The following GCNT2 variants were observed in gnomAD, a reference collection of about 807,000 sequenced individuals.
The protein encoded by GCNT2 is glucosaminyl (N-acetyl) transferase 2 (I blood group).
GCNT2 carries 34 observed loss-of-function variants against 34.2 expected under a neutral mutation model. The observed-to-expected ratio is 1.00, with a 90% CI of 0.76 to 1.32. The LOEUF is 1.32. Ranked by LOEUF, GCNT2 falls within the 40% of genes most tolerant of loss-of-function variation. The pLI, the probability that GCNT2 is intolerant of heterozygous loss-of-function variation, is 0.00. For missense variants in GCNT2, 584 were observed against 489.4 expected, an observed-to-expected ratio of 1.19 and a Z score of -1.82; for synonymous variants, 212 against 188.0, an observed-to-expected ratio of 1.13 and a Z score of -1.04.
intron 1 of GCNT2, among the ~76,000 whole-genome samples, chr6:10,525,299 A>G (rs1039818455): frequency 6.6e-6 from 1 of 152,206 alleles, no homozygotes; most frequent in African/African-American, 2.4e-5. Context: ...CAACCAAACT[A>G]TAAGTCTTTG....
At chr6:10,573,356 G>GTTGTTT (rs140852) in intron 3 of GCNT2, 3 of 930,034 alleles carry the variant, frequency 3.2e-6, no homozygotes, top group Non-Finnish European at 3.8e-6. Context: ...TTTTATTGTT[G>GTTGTTT]TTGTTATCTT....
At chr6:10,527,963 T>TC (rs1279863510) in intron 2 of GCNT2, among the ~76,000 whole-genome samples, 8 of 152,182 alleles carry the variant, frequency 5.3e-5, no homozygotes, top group Admixed American at 3.9e-4. Context: ...CTTCTCTCCT[T>TC]CCTCTAAGCA....
At chr6:10,582,490 TAATATATAATATA>T (rs1234040593) in intron 3 of GCNT2, among the ~76,000 whole-genome samples, 48 of 107,364 alleles carry the variant, frequency 4.5e-4, no homozygotes, top group African/African-American at 1.7e-3. Flanking sequence ...ATATATACTA[TAATATATAATATA>T]ATACATCATA....
chr6:10,577,609 C>T (rs994301169), intron 3 of GCNT2, among the ~76,000 whole-genome samples: 3 of 152,054 alleles, frequency 2.0e-5, no homozygotes, highest in Admixed American at 6.6e-5. Context: ...GGCATGATCT[C>T]GGCTCCCTGA....
intron 3 of GCNT2, among the ~76,000 whole-genome samples, chr6:10,563,769 AAAAAAAAAATATATATATATATAT>A (rs986568641): frequency 2.9e-5 from 2 of 70,162 alleles, no homozygotes; most frequent in African/African-American, 1.2e-4. Context: ...AAAAAAAAAA[AAAAAAAAAATATATATATATATAT>A]ATATATATAT....
At chr6:10,573,786 T>C (rs1447664962) in intron 3 of GCNT2, among the ~76,000 whole-genome samples, 7 of 152,300 alleles carry the variant, frequency 4.6e-5, no homozygotes, top group African/African-American at 1.7e-4. Context: ...AGATGCAGTG[T>C]CAAAGCCCAG....
rs147758711 is a variant in GCNT2 at position 10,597,225 on chromosome 6, G to A, written c.926-24126G>A. 3.3e-3 allele frequency among the ~76,000 whole-genome samples: 471 copies of A among 142,224 alleles called. 3 individuals carry two copies. Among genetic ancestry groups the A allele is most frequent in the Non-Finnish European group, 5.3e-3 (350 of 66,572 alleles). The allele number at this position is 142,224 out of a possible 152,430, so 93.3% of individuals were successfully genotyped here. On this transcript the variant is annotated intron_variant, in intron 3 of 4. Transcript: ENST00000495262. The stretch of plus-strand genomic sequence containing the variant: ...GGCTGGAGTGCAGTGGCATGATCTC[G>A]GCTCACTGCAACCTCTGCCTCCTGG...
intron 3 of GCNT2, among the ~76,000 whole-genome samples, chr6:10,539,605 A>G (rs1346305445): frequency 6.6e-6 from 1 of 151,762 alleles, no homozygotes; most frequent in African/African-American, 2.4e-5. Context: ...GAGTACACAA[A>G]CTATACCTGG....
intron 4 of GCNT2, among the ~76,000 whole-genome samples, chr6:10,624,441 TACTC>T (rs1231208773): frequency 1.1e-4 from 17 of 152,146 alleles, no homozygotes; most frequent in South Asian, 4.2e-4. Flanking sequence ...TTGTGAGACT[TACTC>T]ACTACCACAA....
chr6:10,556,575 T>G (rs764007225), intron 3 of GCNT2: 2 of 1,614,218 alleles, frequency 1.2e-6, no homozygotes, highest in Non-Finnish European at 1.7e-6. Flanking sequence ...TGCACATCTT[T>G]TATCAATGGA....
At chr6:10,576,261 G>A (rs1162925342) in intron 3 of GCNT2, among the ~76,000 whole-genome samples, 1 of 151,990 alleles carries the variant, frequency 6.6e-6, no homozygotes, top group Non-Finnish European at 1.5e-5. Context: ...CATAAAGAAG[G>A]TTTTATTAGG....
At position 10,579,066 on chromosome 6, in the gene GCNT2, C is replaced by T. The variant is rs183492264; in HGVS notation, c.926-42285C>T. 1.3e-3 allele frequency among the ~76,000 whole-genome samples: 204 copies of T among 152,270 alleles called. 2 individuals are homozygous for T. The highest frequency in any genetic ancestry group is 4.4e-3 in the African/African-American group (182 of 41,568). On this transcript the variant is annotated intron_variant, in intron 3 of 4. Coordinates refer to ENST00000495262, the MANE Select transcript of GCNT2 (RefSeq NM_145649.5). ...GTTTTAATATGAATTTCTCTGATCT[C>T]TAGTGTGAGAAGAGTGTGTTTCTAT...
chr6:10,598,142 C>G (rs1764937812), intron 3 of GCNT2, among the ~76,000 whole-genome samples: 1 of 152,182 alleles, frequency 6.6e-6, no homozygotes, highest in East Asian at 1.9e-4. Context: ...TGCTTTAACT[C>G]TGGAGCATGC....
intron 3 of GCNT2, among the ~76,000 whole-genome samples, chr6:10,583,463 T>C (rs1764210889): frequency 1.3e-5 from 2 of 152,262 alleles, no homozygotes; most frequent in South Asian, 2.1e-4. Context: ...GATCCTTTAG[T>C]TGACCAGTTA....
At chr6:10,525,396 G>A (rs1231682013) in intron 1 of GCNT2, among the ~76,000 whole-genome samples, 2 of 152,118 alleles carry the variant, frequency 1.3e-5, no homozygotes, top group Non-Finnish European at 2.9e-5. Context: ...ATTTTGATCT[G>A]AAATTCAACC....
intron 3 of GCNT2, among the ~76,000 whole-genome samples, chr6:10,582,244 AAT>A (rs1174591255): frequency 5.8e-5 from 7 of 121,226 alleles, no homozygotes; most frequent in East Asian, 2.1e-4. Flanking sequence ...AAATATATAA[AAT>A]ATATATAATA....
chr6:10,540,233 T>C (rs1761978435), intron 3 of GCNT2, among the ~76,000 whole-genome samples: 1 of 152,184 alleles, frequency 6.6e-6, no homozygotes. Context: ...CACCTGTCTG[T>C]AGTCTTGTAC....
intron 3 of GCNT2, among the ~76,000 whole-genome samples, chr6:10,554,730 C>T (rs949008320): frequency 6.6e-6 from 1 of 152,086 alleles, no homozygotes; most frequent in Non-Finnish European, 1.5e-5. Flanking sequence ...TCTCTTTGCT[C>T]GATTCCATAG....
At chr6:10,609,761 T>C (rs1765472093) in intron 3 of GCNT2, among the ~76,000 whole-genome samples, 1 of 151,082 alleles carries the variant, frequency 6.6e-6, no homozygotes, top group Non-Finnish European at 1.5e-5. Flanking sequence ...AGGGAGGAGA[T>C]AAGCATGAAG....
Sources: allele counts gnomAD v4.1 joint callset (sites outside exome capture counted in the v4.1 genomes callset), GRCh38; gene constraint gnomAD v4.1.1; transcripts MANE v1.5; gene names NCBI Gene and HGNC (gene_info 2026-07-23, HGNC 2026-07-21).